Variants in CCNB1IP1 observed in about 807,000 individuals in gnomAD.
CCNB1IP1 encodes cyclin B1 interacting protein 1, also known as E3 ubiquitin-protein ligase CCNB1IP1.
A neutral mutation model predicts 25.6 loss-of-function variants in CCNB1IP1; 14 were observed. The ratio of observed to expected loss-of-function variants is 0.55; its 90% CI spans 0.36 to 0.85. The LOEUF (loss-of-function observed/expected upper bound fraction) is 0.85, where lower values mean the gene tolerates loss of function less well. Among genes scored for constraint, CCNB1IP1 ranks in the 40% least tolerant of loss-of-function variants. CCNB1IP1 has a pLI of 0.01. For missense variants in CCNB1IP1, 278 were observed against 342.4 expected (o/e 0.81, Z 1.48); for synonymous variants, 119 against 116.1 (o/e 1.02, Z -0.16).
At chr14:20,327,001 A>G (rs533211796) in intron 2 of CCNB1IP1, among the ~76,000 whole-genome samples, 37 of 152,220 alleles carry the variant, frequency 2.4e-4, no homozygotes, top group Non-Finnish European at 4.1e-4. Flanking sequence ...GGGCAGGATC[A>G]GGAGTTCAAG....
Position 20,313,599 on chromosome 14 carries a change from C to A in CCNB1IP1, c.500G>T (p.Arg167Leu). 1.2e-6 allele frequency: 2 copies of A among 1,614,172 alleles called. No homozygotes were observed. Among genetic ancestry groups the A allele is most frequent in the Non-Finnish European group, 8.5e-7 (1 of 1,180,018 alleles). ...FSDISEKLMERNRQYQKLQGL... is the reference protein window; with the variant it reads ...FSDISEKLMELNRQYQKLQGL... ...TTGGAGCTTTTGATACTGACGATTGCGCTCCATAAGTTTCTCAGAGATGTC... is the reference window on the plus strand; with the variant it reads ...TTGGAGCTTTTGATACTGACGATTGAGCTCCATAAGTTTCTCAGAGATGTC... Residue 167 changes from arginine to leucine, a missense_variant, in exon 6 of 7, where the codon CGC becomes CTC. By Grantham distance (102) the Arg-to-Leu change is moderately radical (BLOSUM62 -2). Coordinates refer to ENST00000358932, the MANE Select transcript of CCNB1IP1 (RefSeq NM_021178.5).
At chr14:20,315,534 GAAGTAT>G in intron 5 of CCNB1IP1, 2 of 1,195,588 alleles carry the variant, frequency 1.7e-6, no homozygotes, top group Non-Finnish European at 2.1e-6. Context: ...ACATCCTTAA[GAAGTAT>G]AAGTGTATAT....
At chr14:20,328,070 A>G (rs1461277923) in intron 2 of CCNB1IP1, among the ~76,000 whole-genome samples, 2 of 152,212 alleles carry the variant, frequency 1.3e-5, no homozygotes, top group Non-Finnish European at 2.9e-5. Context: ...AAGCTGACAG[A>G]AAAGAAAGCA....
In CCNB1IP1 at chr14:20,326,703, C is replaced by T. The variant is rs949943200; in HGVS notation, c.-153+13G>A. On this transcript the variant is annotated intron_variant, in intron 3 of 6. Coordinates refer to ENST00000358932, the MANE Select transcript of CCNB1IP1 (RefSeq NM_021178.5). Reference sequence around the variant, plus strand: ...AAATGAGGTAAAAACGAAGATTTTGCTCTTACTCTTACCTCTGGCATCACA... The same window carrying T: ...AAATGAGGTAAAAACGAAGATTTTGTTCTTACTCTTACCTCTGGCATCACA... 3.2e-6 allele frequency: 1 copy of T among 313,820 alleles called. No homozygotes were observed. Among genetic ancestry groups the T allele is most frequent in the African/African-American group, 2.2e-5 (1 of 45,918 alleles). The allele number at this position is 313,820 out of a possible 1,614,324, so 19.4% of individuals were successfully genotyped here.
chr14:20,311,820 A>G, intron 6 of CCNB1IP1, 68 bp from the exon 7 acceptor site: 4 of 917,020 alleles, frequency 4.4e-6, no homozygotes, highest in Non-Finnish European at 6.8e-6. Context: ...CTTCAGAGGA[A>G]TCATCAAATA....
intron 1 of CCNB1IP1, among the ~76,000 whole-genome samples, chr14:20,331,688 T>C (rs1391321474): frequency 6.6e-6 from 1 of 151,994 alleles, no homozygotes; most frequent in Non-Finnish European, 1.5e-5. Context: ...CATTATACCC[T>C]GAAAACCTAC....
intron 6 of CCNB1IP1, among the ~76,000 whole-genome samples, chr14:20,312,024 G>C (rs922719841): frequency 6.6e-6 from 1 of 152,110 alleles, no homozygotes; most frequent in Non-Finnish European, 1.5e-5. Flanking sequence ...GCAGATAATA[G>C]ATCTGATTAA....
At chr14:20,320,823 A>T (rs995178307) in intron 4 of CCNB1IP1, among the ~76,000 whole-genome samples, 3 of 137,464 alleles carry the variant, frequency 2.2e-5, no homozygotes, top group Non-Finnish European at 4.7e-5. Flanking sequence ...AAAAAAAAAA[A>T]TTATAGATAT....
Position 20,313,526 on chromosome 14 carries a change from A to G in CCNB1IP1, c.573T>C (p.His191=). 6.2e-7 allele frequency: 1 copy of G among 1,613,968 alleles called. No homozygotes were observed. Among genetic ancestry groups the G allele is most frequent in the Non-Finnish European group, 8.5e-7 (1 of 1,179,942 alleles). The part of the protein sequence containing the change: ...LRLRNITIAN[H]EGTLEPSMIA... Reference sequence around the variant, plus strand: ...TCATGGATGGTTCAAGGGTGCCTTCATGGTTAGCAATAGTGATGTTTCGTA... The same window carrying G: ...TCATGGATGGTTCAAGGGTGCCTTCGTGGTTAGCAATAGTGATGTTTCGTA... Residue 191 remains histidine (H), a synonymous_variant, in exon 6 of 7, where the codon CAT becomes CAC. Transcript: ENST00000358932.
rs1882575180 is a variant in CCNB1IP1 at position 20,313,561 on chromosome 14, T to C, written c.538A>G (p.Ser180Gly). Reference sequence around the variant, plus strand: ...ATAGTGATGTTTCGTAGCCTAAGGCTATCATAGAGGCCTTGGAGCTTTTGA... The same window carrying C: ...ATAGTGATGTTTCGTAGCCTAAGGCCATCATAGAGGCCTTGGAGCTTTTGA... ...QYQKLQGLYDSLRLRNITIAN... is the reference protein window; with the variant it reads ...QYQKLQGLYDGLRLRNITIAN... Residue 180 changes from serine to glycine, a missense_variant, in exon 6 of 7, where the codon AGC becomes GGC. By Grantham distance (56) the Ser-to-Gly change is moderately conservative (BLOSUM62 0). Transcript: ENST00000358932. 6.2e-7 allele frequency: 1 copy of C among 1,614,116 alleles called. No individual in the cohort carries two copies. Among genetic ancestry groups the C allele is most frequent in the Admixed American group, 1.7e-5 (1 of 60,012 alleles).
intron 4 of CCNB1IP1, among the ~76,000 whole-genome samples, chr14:20,321,625 G>C (rs550884773): frequency 1.3e-5 from 2 of 152,096 alleles, no homozygotes; most frequent in South Asian, 4.1e-4. Context: ...AATTTTTTTT[G>C]TATTTTTAGT....
intron 4 of CCNB1IP1, among the ~76,000 whole-genome samples, chr14:20,316,985 T>G (rs1882721531): frequency 6.6e-6 from 1 of 152,104 alleles, no homozygotes; most frequent in Non-Finnish European, 1.5e-5. Flanking sequence ...GATTCAAGCC[T>G]CTAATCCCAG....
chr14:20,316,600 G>A (rs760773729), intron 4 of CCNB1IP1, 40 bp from the exon 5 acceptor site: 16 of 1,173,778 alleles, frequency 1.4e-5, no homozygotes, highest in Middle Eastern at 4.1e-4. Context: ...AAGTTAAATT[G>A]CAATGAAAAT....
At chr14:20,313,838 G>T in intron 5 of CCNB1IP1, 37 bp from the exon 6 acceptor site, 2 of 1,432,248 alleles carry the variant, frequency 1.4e-6, no homozygotes, top group African/African-American at 1.4e-5. Flanking sequence ...AAGGTATTGG[G>T]TACAAAGTTA....
intron 2 of CCNB1IP1, among the ~76,000 whole-genome samples, chr14:20,328,698 T>C (rs1174202238): frequency 6.6e-6 from 1 of 152,198 alleles, no homozygotes; most frequent in African/African-American, 2.4e-5. Flanking sequence ...AAAACCCAGA[T>C]TGCAAGAGGC....
At chr14:20,329,141 G>T (rs550766738) in intron 2 of CCNB1IP1, 33 bp downstream of exon 2, 1 of 152,340 alleles carries the variant, frequency 6.6e-6, no homozygotes, top group East Asian at 1.9e-4. Flanking sequence ...GAATCTCTAA[G>T]CTAGGCTTTT....
intron 4 of CCNB1IP1, among the ~76,000 whole-genome samples, chr14:20,319,678 T>G (rs1381254205): frequency 6.6e-6 from 1 of 152,114 alleles, no homozygotes; most frequent in Non-Finnish European, 1.5e-5. Flanking sequence ...TGATTGCGGG[T>G]TTTTACAATT....
At chr14:20,315,136 CAAAAAAAAAAAAAAAA>C (rs1159450735) in intron 5 of CCNB1IP1, among the ~76,000 whole-genome samples, 21 of 9,070 alleles carry the variant, frequency 2.3e-3, no homozygotes, top group South Asian at 6.2e-3. Flanking sequence ...TACACCTCAC[CAAAAAAAAAAAAAAAA>C]AAAAAAAAAA....
chr14:20,328,644 T>A (rs1883149377), intron 2 of CCNB1IP1, among the ~76,000 whole-genome samples: 1 of 152,186 alleles, frequency 6.6e-6, no homozygotes, highest in Non-Finnish European at 1.5e-5. Context: ...ATAATAATTA[T>A]AGGTTGAAAG....
Sources: allele counts gnomAD v4.1 joint callset (sites outside exome capture counted in the v4.1 genomes callset), GRCh38; gene constraint gnomAD v4.1.1; transcripts MANE v1.5; gene names NCBI Gene and HGNC (gene_info 2026-07-23, HGNC 2026-07-21).